The following GALNT9 variants were observed in gnomAD, a reference collection of about 807,000 sequenced individuals.
The protein encoded by GALNT9 is GalNAc transferase 9.
A neutral mutation model predicts 63.1 loss-of-function variants in GALNT9; 47 were observed. The observed-to-expected ratio is 0.75, with a 90% CI of 0.59 to 0.95. The LOEUF is 0.95. GALNT9 is among the 40% of genes least tolerant of loss of function. GALNT9 has a pLI of 0.00. For missense variants in GALNT9, 829 were observed against 874.8 expected (o/e 0.95, Z 0.66); for synonymous variants, 396 against 365.7 (o/e 1.08, Z -0.94).
intron 6 of GALNT9, among the ~76,000 whole-genome samples, chr12:132,226,587 C>T (rs1364483765): frequency 6.7e-6 from 1 of 148,708 alleles, no homozygotes; most frequent in African/African-American, 2.5e-5. Flanking sequence ...ACCCCACACA[C>T]ATACACACCA....
chr12:132,302,042 G>T (rs1386727877), intron 1 of GALNT9, among the ~76,000 whole-genome samples: 2 of 152,142 alleles, frequency 1.3e-5, no homozygotes, highest in African/African-American at 4.8e-5. Context: ...ATTTAGGATT[G>T]CTTATTTCAG....
At chr12:132,263,145 A>G (rs1297665738) in intron 2 of GALNT9, among the ~76,000 whole-genome samples, 1 of 152,172 alleles carries the variant, frequency 6.6e-6, no homozygotes, top group African/African-American at 2.4e-5. Flanking sequence ...GGGCACAGCC[A>G]AGGAGCCAGC....
intron 2 of GALNT9, among the ~76,000 whole-genome samples, chr12:132,269,849 C>T (rs1555240569): frequency 6.6e-6 from 1 of 152,232 alleles, no homozygotes; most frequent in Admixed American, 6.5e-5. Flanking sequence ...CTGCAGCACA[C>T]ACAGGCGAGG....
intron 2 of GALNT9, among the ~76,000 whole-genome samples, chr12:132,266,973 A>C (rs549604200): frequency 6.6e-6 from 1 of 152,314 alleles, no homozygotes; most frequent in Admixed American, 6.5e-5. Flanking sequence ...GTCTCTGAGA[A>C]TAAAACGTCA....
chr12:132,303,795 A>G (rs1281920959), intron 1 of GALNT9, among the ~76,000 whole-genome samples: 2 of 56,892 alleles, frequency 3.5e-5, no homozygotes, highest in Admixed American at 2.0e-4. Context: ...GCACACCCTC[A>G]CCCAGACACA....
chr12:132,197,447 A>C (rs1263279480), intron 10 of GALNT9, among the ~76,000 whole-genome samples, 194 bp from the exon 11 acceptor site: 1 of 148,744 alleles, frequency 6.7e-6, no homozygotes, highest in East Asian at 1.9e-4. Flanking sequence ...AGGATTTCCC[A>C]TCTTTCCTGC....
chr12:132,257,590 C>G lies in GALNT9; in HGVS notation c.959+99G>C, dbSNP rs1303775520. The G allele has an allele frequency of 1.2e-5, 11 of 888,888 alleles. No individual in the cohort carries two copies. The East Asian group carries it at 2.7e-4, about 22-fold the overall frequency. 55.1% of individuals were successfully genotyped at this position (888,888 alleles called of 1,614,324 possible). ...CCACGCCCTCGTCCCCAGCCCTCGT[C>G]CCCGGCCCTCATCCCTGGCCCTCGT... On this transcript the variant is annotated intron_variant, in intron 5 of 10. Coordinates refer to ENST00000328957, the MANE Select transcript of GALNT9 (RefSeq NM_001122636.2).
chr12:132,302,229 T>TACACACACACACACACACACACACAC (rs56317485), intron 1 of GALNT9, among the ~76,000 whole-genome samples: 8 of 143,820 alleles, frequency 5.6e-5, no homozygotes, highest in East Asian at 2.1e-4. Context: ...TAGAAAATTC[T>TACACACACACACACACACACACACAC]ACACACACAC....
At position 132,294,392 on chromosome 12, in the gene GALNT9, C is replaced by T. The variant is rs116923795; in HGVS notation, c.239-7962G>A. 4.3e-3 allele frequency among the ~76,000 whole-genome samples: 655 copies of T among 152,296 alleles called. 3 individuals carry two copies. Among genetic ancestry groups the T allele is most frequent in the Non-Finnish European group, 7.3e-3 (494 of 68,020 alleles). On this transcript the variant is annotated intron_variant, in intron 1 of 10. Coordinates refer to ENST00000328957, the MANE Select transcript of GALNT9 (RefSeq NM_001122636.2). ...GCTTCTCAAACCCAGCTGTATCACC[C>T]GTGGTCCTTGTTAAAACACAGCCCA...
At chr12:132,264,192 T>G (rs1230069481) in intron 2 of GALNT9, among the ~76,000 whole-genome samples, 3 of 152,224 alleles carry the variant, frequency 2.0e-5, no homozygotes, top group Non-Finnish European at 4.4e-5. Flanking sequence ...ACAAGCCGCC[T>G]GCATGGAACA....
In GALNT9 at chr12:132,286,463, GCCCAGGACACGCTGCGTCTGCA is replaced by G; in HGVS notation, c.239-55_239-34del. Reference sequence around the variant, plus strand: ...AAAGGAAGAGAGGGAGGTCAGGCAGGCCCAGGACACGCTGCGTCTGCACCCAGGAGACGCCCCTCCCGCCCCT... The same window carrying G: ...AAAGGAAGAGAGGGAGGTCAGGCAGGCCCAGGAGACGCCCCTCCCGCCCCT... On this transcript the variant is annotated intron_variant, in intron 1 of 10. Transcript: ENST00000328957. This position sits in a 1 kb window ranked among gnomAD's most constrained non-coding sequence, Gnocchi z 7.4. 4 of 1,531,188 alleles carry G rather than the reference GCCCAGGACACGCTGCGTCTGCA, an allele frequency of 2.6e-6. No homozygotes were observed. The highest frequency in any genetic ancestry group is 1.2e-5 in the South Asian group (1 of 81,906). The allele number at this position is 1,531,188 out of a possible 1,614,324, so 94.9% of individuals were successfully genotyped here.
In GALNT9 at chr12:132,286,059, C is replaced by G. The variant is rs1010807256; in HGVS notation, c.419+191G>C. 6.6e-6 allele frequency among the ~76,000 whole-genome samples: 1 copy of G among 151,984 alleles called. No individual in the cohort carries two copies. Among genetic ancestry groups the G allele is most frequent in the Non-Finnish European group, 1.5e-5 (1 of 67,906 alleles). On this transcript the variant is annotated intron_variant, in intron 2 of 10. Transcript: ENST00000328957. This position sits in a 1 kb window ranked among gnomAD's most constrained non-coding sequence, Gnocchi z 7.4. ...GCAGTCCCCGGCCAGCACGGGGGAGCGCTCACTTTCCCGGCCAGCGTGGGG... is the reference window on the plus strand; with the variant it reads ...GCAGTCCCCGGCCAGCACGGGGGAGGGCTCACTTTCCCGGCCAGCGTGGGG...
chr12:132,309,633 A>T (rs1356189289), intron 1 of GALNT9, among the ~76,000 whole-genome samples: 2 of 152,348 alleles, frequency 1.3e-5, no homozygotes, highest in East Asian at 3.9e-4. Context: ...ACGACTGCCC[A>T]GTGTCCCCTG....
rs1475780076 is a variant in GALNT9 at position 132,212,218 on chromosome 12, G to A, written c.1078-8528C>T. Among the ~76,000 whole-genome samples, 9 of 140,750 alleles carry A rather than the reference G, an allele frequency of 6.4e-5. No individual in the cohort carries two copies. The East Asian group carries it at 1.3e-3, about 20-fold the overall frequency. The allele number at this position is 140,750 out of a possible 152,430, so 92.3% of individuals were successfully genotyped here. On this transcript the variant is annotated intron_variant, in intron 6 of 10. Transcript: ENST00000328957. ...AGACCTCGACACGGAAACCCCACCC[G>A]GGTCTGCAGCCCTCAGACCTCGACA...
intron 7 of GALNT9, 23 bp from the exon 8 acceptor site, chr12:132,201,284 G>GA (rs1164745872): frequency 1.9e-6 from 3 of 1,572,118 alleles, no homozygotes. Flanking sequence ...AAGTAGGTGA[G>GA]AGGGTACATG....
At chr12:132,200,093 C>T (rs1321220855) in intron 8 of GALNT9, among the ~76,000 whole-genome samples, 2 of 152,002 alleles carry the variant, frequency 1.3e-5, no homozygotes, top group Non-Finnish European at 2.9e-5. Flanking sequence ...GGGGCGGTGC[C>T]CCGATGCACA....
intron 6 of GALNT9, among the ~76,000 whole-genome samples, chr12:132,213,941 C>G (rs138474787): frequency 0.018 from 2,736 of 152,316 alleles, 91 homozygotes; most frequent in African/African-American, 0.063. Flanking sequence ...AACCCCACCC[C>G]CTATGTCCGC....
intron 2 of GALNT9, among the ~76,000 whole-genome samples, chr12:132,269,285 C>T (rs1811661242): frequency 6.6e-6 from 1 of 152,036 alleles, no homozygotes; most frequent in Admixed American, 6.5e-5. Context: ...TGGGAGGACT[C>T]GTCGAGTGTG....
intron 1 of GALNT9, among the ~76,000 whole-genome samples, chr12:132,305,054 GAATCGCCCAGACACAC>G (rs1881528834): frequency 5.0e-5 from 2 of 39,656 alleles, no homozygotes; most frequent in Non-Finnish European, 4.1e-5. Context: ...CCCGGGCACA[GAATCGCCCAGACACAC>G]CCTCACCTGG....
Sources: gnomAD v4.1 joint callset for allele counts (sites outside exome capture counted in the v4.1 genomes callset) on GRCh38, gnomAD v4.1.1 for gene constraint, Gnocchi (gnomAD v3.1) non-coding constraint, MANE v1.5 for transcripts, NCBI Gene and HGNC (gene_info 2026-07-23, HGNC 2026-07-21) for gene names.